The following RBFOX1 variants were observed in gnomAD, a reference collection of about 807,000 sequenced individuals.
RBFOX1 encodes RNA binding fox-1 homolog 1.
A neutral mutation model predicts 57.7 loss-of-function variants in RBFOX1; 8 were observed. The ratio of observed to expected loss-of-function variants is 0.14; its 90% CI spans 0.08 to 0.25. The LOEUF (loss-of-function observed/expected upper bound fraction) is 0.25. RBFOX1 is among the 10% of genes least tolerant of loss of function. The probability of loss-of-function intolerance (pLI) is 1.00; values close to 1 mark genes in which losing one functional copy is unlikely to be tolerated. For synonymous variants in RBFOX1, 326 were observed against 222.4 expected, an observed-to-expected ratio of 1.47 and a Z score of -4.15; for missense variants, 611 against 548.5, an observed-to-expected ratio of 1.11 and a Z score of -1.14.
chr16:7,022,916 C>G (rs540829004), intron 3 of RBFOX1, among the ~76,000 whole-genome samples: 7 of 152,306 alleles, frequency 4.6e-5, no homozygotes, highest in African/African-American at 9.6e-5. Flanking sequence ...ACCCCATTGT[C>G]TCACTCTTGA....
intron 3 of RBFOX1, among the ~76,000 whole-genome samples, chr16:5,614,590 G>A (rs2047950066): frequency 6.6e-6 from 1 of 152,082 alleles, no homozygotes; most frequent in African/African-American, 2.4e-5. Context: ...GCTCTTCAGA[G>A]GTATATTTAT....
intron 4 of RBFOX1, among the ~76,000 whole-genome samples, chr16:7,178,976 C>A (rs1021915465): frequency 1.3e-5 from 2 of 152,112 alleles, no homozygotes; most frequent in Admixed American, 1.3e-4. Context: ...TTATAATTTT[C>A]GGTGGCAGTG....
At chr16:6,678,053 C>T (rs893569454) in intron 3 of RBFOX1, among the ~76,000 whole-genome samples, 61 of 152,178 alleles carry the variant, frequency 4.0e-4, no homozygotes, top group African/African-American at 1.4e-3. Flanking sequence ...ATTAATTTTC[C>T]TCATATAATC....
At chr16:6,403,725 C>T (rs964103780) in intron 2 of RBFOX1, among the ~76,000 whole-genome samples, 6 of 152,026 alleles carry the variant, frequency 3.9e-5, no homozygotes, top group Non-Finnish European at 2.9e-5. Flanking sequence ...GAGAGGACAC[C>T]GAAGGACTGT....
intron 4 of RBFOX1, among the ~76,000 whole-genome samples, chr16:7,232,629 G>T (rs957050595): frequency 3.3e-5 from 5 of 152,032 alleles, no homozygotes; most frequent in Admixed American, 3.3e-4. Flanking sequence ...ATCACCTGAG[G>T]TTGGGAGTTC....
At chr16:7,168,293 A>AATGG (rs200234684) in intron 4 of RBFOX1, among the ~76,000 whole-genome samples, 3,999 of 152,194 alleles carry the variant, frequency 0.026, 76 homozygotes, top group Non-Finnish European at 0.037. Flanking sequence ...CTCAGCATGA[A>AATGG]ATGGACCAAG....
intron 10 of RBFOX1, among the ~76,000 whole-genome samples, chr16:7,626,248 C>T (rs921646332): frequency 6.6e-6 from 1 of 152,216 alleles, no homozygotes; most frequent in African/African-American, 2.4e-5. Context: ...TCCTTCCTGT[C>T]TGTGATGGGA....
At chr16:6,931,338 T>TACACACACACA (rs1360394265) in intron 3 of RBFOX1, among the ~76,000 whole-genome samples, 24 of 131,210 alleles carry the variant, frequency 1.8e-4, no homozygotes, top group African/African-American at 8.0e-4. Flanking sequence ...TCTATCTATC[T>TACACACACACA]CTACACACAC....
intron 4 of RBFOX1, among the ~76,000 whole-genome samples, chr16:7,229,342 G>A (rs1286802662): frequency 6.6e-6 from 1 of 152,064 alleles, no homozygotes; most frequent in African/African-American, 2.4e-5. Flanking sequence ...AAACTGCTCG[G>A]CTTTCCTTAC....
rs546022513 is a variant in RBFOX1, at chr16:5,903,789, C to T, written c.351+36454C>T. Among the ~76,000 whole-genome samples the T allele has an allele frequency of 9.2e-5, 14 of 152,198 alleles. No homozygotes were observed. In the South Asian group the frequency reaches 2.9e-3, roughly 32 times the overall value. ...AGGCTGACTTAGATGTTTCTGTGTGCCCCAGGAAGGATGCATCCCCCTGAA... is the reference window on the plus strand; with the variant it reads ...AGGCTGACTTAGATGTTTCTGTGTGTCCCAGGAAGGATGCATCCCCCTGAA... On this transcript the variant is annotated intron_variant, in intron 4 of 19. Coordinates refer to the RBFOX1 transcript ENST00000641259.
chr16:7,583,247 G>A (rs989697277), intron 6 of RBFOX1, among the ~76,000 whole-genome samples: 9 of 151,696 alleles, frequency 5.9e-5, no homozygotes, highest in East Asian at 2.0e-4. Flanking sequence ...TAAAAATACC[G>A]GTTGAGGTTC....
intron 1 of RBFOX1, among the ~76,000 whole-genome samples, chr16:6,263,870 T>G (rs28709446): frequency 0.025 from 3,864 of 152,260 alleles, 111 homozygotes; most frequent in African/African-American, 0.07. Context: ...GAACCAAAAG[T>G]GTTGGTAGCA....
chr16:6,402,445 CT>C (rs2093112616), intron 2 of RBFOX1, among the ~76,000 whole-genome samples: 1 of 152,122 alleles, frequency 6.6e-6, no homozygotes, highest in Admixed American at 6.5e-5. Context: ...GATCTTTTAT[CT>C]TTTAATGCAC....
intron 2 of RBFOX1, among the ~76,000 whole-genome samples, chr16:6,471,722 A>G (rs1051825797): frequency 3.3e-5 from 5 of 152,040 alleles, no homozygotes; most frequent in African/African-American, 1.2e-4. Context: ...TATTCATCTC[A>G]GCATTGGGGT....
Position 7,545,176 on chromosome 16 carries a change from C to T in RBFOX1, c.270+26787C>T, listed in dbSNP as rs187523844. On this transcript the variant is annotated intron_variant, in intron 5 of 15. Transcript: ENST00000550418. ...GGTGAACTTGAGTAGTTACTAGTTA[C>T]GTGGACTGGGAGAACACGGTTAAAG... Among the ~76,000 whole-genome samples, 15 of 152,278 alleles carry T rather than the reference C, an allele frequency of 9.9e-5. No individual in the cohort carries two copies. The East Asian group carries it at 2.1e-3, about 22-fold the overall frequency.
At chr16:5,325,585 C>G (rs2064547617) in intron 1 of RBFOX1, among the ~76,000 whole-genome samples, 1 of 152,174 alleles carries the variant, frequency 6.6e-6, no homozygotes, top group Admixed American at 6.5e-5. Flanking sequence ...TGTGATAGCC[C>G]TCTGAAGTCA....
intron 3 of RBFOX1, among the ~76,000 whole-genome samples, chr16:6,914,980 A>T (rs1393157068): frequency 1.3e-5 from 2 of 152,246 alleles, no homozygotes; most frequent in African/African-American, 4.8e-5. Flanking sequence ...TATTATTATT[A>T]CAGCACTATT....
At chr16:7,629,681 T>A (rs1301211375) in intron 10 of RBFOX1, among the ~76,000 whole-genome samples, 1 of 152,132 alleles carries the variant, frequency 6.6e-6, no homozygotes, top group Non-Finnish European at 1.5e-5. Flanking sequence ...CTGGAGTGGG[T>A]GGTTGTTCAA....
chr16:7,634,359 C>T (rs1234283251), intron 11 of RBFOX1, among the ~76,000 whole-genome samples: 4 of 150,800 alleles, frequency 2.7e-5, no homozygotes, highest in African/African-American at 7.3e-5. Flanking sequence ...TTTTTTCCTC[C>T]ATGGATCTTT....
Sources: allele counts gnomAD v4.1 joint callset (sites outside exome capture counted in the v4.1 genomes callset), GRCh38; gene constraint gnomAD v4.1.1; transcripts MANE v1.5; gene names NCBI Gene and HGNC (gene_info 2026-07-23, HGNC 2026-07-21).